ZNF292: variants seen among roughly 807,000 people sequenced by gnomAD.
The protein encoded by ZNF292 is zinc finger protein 292.
In ZNF292, 26 loss-of-function variants were observed where a neutral mutation model predicts 217.9. The ratio of observed to expected loss-of-function variants is 0.12; its 90% CI spans 0.09 to 0.17. The LOEUF is 0.17. Ranked by LOEUF, ZNF292 falls within the 10% of genes least tolerant of loss-of-function variation. The pLI is 1.00. For synonymous variants in ZNF292, 1,257 were observed against 1,124.1 expected (o/e 1.12, Z -2.37); for missense variants, 2,904 against 3,175.2 (o/e 0.91, Z 2.05).
intron 5 of ZNF292, among the ~76,000 whole-genome samples, chr6:87,235,636 C>T (rs1364656856): frequency 3.3e-5 from 5 of 151,974 alleles, no homozygotes; most frequent in Admixed American, 3.3e-4. Flanking sequence ...GCCTAAGTTC[C>T]TTCTTGGTTT....
In ZNF292 at chr6:87,157,584, G is replaced by A. The variant is rs1037168445; in HGVS notation, c.168+1825G>A. Among the ~76,000 whole-genome samples, 10 of 152,168 alleles carry A rather than the reference G, an allele frequency of 6.6e-5. 1 individual carries two copies. The highest frequency in any genetic ancestry group is 2.4e-4 in the African/African-American group (10 of 41,434). ...CTTTTTTTGTCAGCAGTATTTGTAA[G>A]CAGGATTAATAATTCTGGGAAAATA... is the stretch of plus-strand genomic sequence containing the variant. On this transcript the variant is annotated intron_variant, in intron 1 of 7. Transcript: ENST00000369577.
At chr6:87,178,917 T>C (rs1183146409) in intron 1 of ZNF292, among the ~76,000 whole-genome samples, 1 of 152,156 alleles carries the variant, frequency 6.6e-6, no homozygotes, top group African/African-American at 2.4e-5. Context: ...TTGTGGAGGC[T>C]TAGTAATACC....
intron 1 of ZNF292, among the ~76,000 whole-genome samples, chr6:87,196,067 G>A (rs1308897774): frequency 1.3e-5 from 2 of 151,728 alleles, no homozygotes; most frequent in Non-Finnish European, 2.9e-5. Flanking sequence ...TTGAGAATTA[G>A]GATGTTTCTA....
chr6:87,224,523 T>C (rs1473939193), intron 4 of ZNF292, among the ~76,000 whole-genome samples: 1 of 152,114 alleles, frequency 6.6e-6, no homozygotes, highest in East Asian at 1.9e-4. Context: ...TACTTATCTA[T>C]CTGCCATCTC....
intron 6 of ZNF292, among the ~76,000 whole-genome samples, chr6:87,245,075 T>C (rs751241679): frequency 2.0e-5 from 3 of 152,110 alleles, no homozygotes; most frequent in Non-Finnish European, 4.4e-5. Flanking sequence ...ACCCCATCTC[T>C]ACTAAAAATA....
chr6:87,183,152 A>G lies in ZNF292; in HGVS notation c.168+27393A>G, dbSNP rs139705872. 7.5e-3 allele frequency among the ~76,000 whole-genome samples: 1,142 copies of G among 152,320 alleles called. 22 individuals are homozygous for G. Among genetic ancestry groups the G allele is most frequent in the African/African-American group, 0.025 (1,034 of 41,584 alleles). Reference sequence around the variant, plus strand: ...TACAAATAGTCATTTCTCCCCTGCAATTGAAAGAATGATGCTTCATTCAAG... The same window carrying G: ...TACAAATAGTCATTTCTCCCCTGCAGTTGAAAGAATGATGCTTCATTCAAG... On this transcript the variant is annotated intron_variant, in intron 1 of 7. Transcript: ENST00000369577.
chr6:87,238,552 A>G (rs781431757), intron 5 of ZNF292, among the ~76,000 whole-genome samples: 7 of 150,890 alleles, frequency 4.6e-5, no homozygotes, highest in Admixed American at 3.3e-4. Flanking sequence ...TGCCTTATAC[A>G]TAATAGATAA....
At chr6:87,157,518 A>G (rs944114739) in intron 1 of ZNF292, among the ~76,000 whole-genome samples, 1 of 152,194 alleles carries the variant, frequency 6.6e-6, no homozygotes, top group Non-Finnish European at 1.5e-5. Context: ...TTTTCCCCTA[A>G]TAGTGTCCAC....
At chr6:87,156,723 C>T (rs1770552696) in intron 1 of ZNF292, among the ~76,000 whole-genome samples, 1 of 152,216 alleles carries the variant, frequency 6.6e-6, no homozygotes, top group Admixed American at 6.5e-5. Context: ...CCAGTGACTG[C>T]ATTCTAACCA....
intron 3 of ZNF292, among the ~76,000 whole-genome samples, chr6:87,218,064 G>A (rs1382292689): frequency 6.6e-6 from 1 of 151,996 alleles, no homozygotes; most frequent in Admixed American, 6.6e-5. Context: ...ATGAACACTT[G>A]GAAACAACTA....
chr6:87,205,479 G>T (rs189483267), intron 1 of ZNF292, among the ~76,000 whole-genome samples: 27 of 151,722 alleles, frequency 1.8e-4, no homozygotes, highest in Non-Finnish European at 4.4e-5. Context: ...ATTTCTTTGT[G>T]AGACCATTTT....
At chr6:87,197,268 T>C (rs960726926) in intron 1 of ZNF292, among the ~76,000 whole-genome samples, 7 of 152,174 alleles carry the variant, frequency 4.6e-5, no homozygotes, top group African/African-American at 1.7e-4. Context: ...TAAAATAGCA[T>C]ATCTGTTTGC....
intron 1 of ZNF292, among the ~76,000 whole-genome samples, chr6:87,186,647 G>A (rs965247350): frequency 6.6e-6 from 1 of 152,220 alleles, no homozygotes; most frequent in Non-Finnish European, 1.5e-5. Context: ...GGAAGACTGA[G>A]GTGAGAGGAT....
chr6:87,166,819 G>C (rs1244292226), intron 1 of ZNF292, among the ~76,000 whole-genome samples: 1 of 152,134 alleles, frequency 6.6e-6, no homozygotes, highest in Non-Finnish European at 1.5e-5. Context: ...TATGTCCTCA[G>C]ATTTTGGATT....
intron 5 of ZNF292, among the ~76,000 whole-genome samples, chr6:87,234,343 G>C (rs1241526812): frequency 6.6e-6 from 1 of 152,114 alleles, no homozygotes; most frequent in Admixed American, 6.5e-5. Context: ...CGGATCACGA[G>C]GTCAGGAGTT....
chr6:87,226,331 A>AT (rs1334292760), intron 4 of ZNF292, among the ~76,000 whole-genome samples: 2 of 152,190 alleles, frequency 1.3e-5, no homozygotes, highest in East Asian at 3.9e-4. Context: ...TAAACTTTGC[A>AT]TTTTAAAGTG....
At position 87,261,219 on chromosome 6, in the gene ZNF292, G is replaced by T. The variant is rs1283358228; in HGVS notation, c.7590G>T (p.Leu2530Phe). 6.2e-7 allele frequency: 1 copy of T among 1,610,594 alleles called. No homozygotes were observed. Among genetic ancestry groups the T allele is most frequent in the Admixed American group, 1.7e-5 (1 of 59,130 alleles). ...CAGAAAGACAAAAAGCAAGTAATTTGAAGAGAGTTAATAAGGAAAAAAATG... is the reference window on the plus strand; with the variant it reads ...CAGAAAGACAAAAAGCAAGTAATTTTAAGAGAGTTAATAAGGAAAAAAATG... The part of the protein sequence containing the change: ...CQSERQKASN[L>F]KRVNKEKNVS... The change falls in exon 8 of 8, where the codon TTG becomes TTT. Residue 2530 changes from leucine (L) to phenylalanine (F), a missense_variant. Leu to Phe is a conservative substitution (Grantham distance 22). This residue lies in a region of ZNF292 where 380 missense variants were observed against 355.3 expected (regional missense o/e 1.07). Coordinates refer to ENST00000369577, the MANE Select transcript of ZNF292 (RefSeq NM_015021.3).
At chr6:87,197,718 G>C (rs1262287504) in intron 1 of ZNF292, among the ~76,000 whole-genome samples, 1 of 69,012 alleles carries the variant, frequency 1.4e-5, no homozygotes, top group East Asian at 4.7e-4. Flanking sequence ...GAGACTCGCT[G>C]TTTCAAAAAA....
At chr6:87,241,023 G>A (rs1047880148) in intron 5 of ZNF292, among the ~76,000 whole-genome samples, 3 of 152,170 alleles carry the variant, frequency 2.0e-5, no homozygotes, top group Middle Eastern at 3.2e-3. Context: ...CGTGGCTCAT[G>A]CCTGTAATCC....
Sources: allele counts gnomAD v4.1 joint callset (sites outside exome capture counted in the v4.1 genomes callset), GRCh38; gene constraint gnomAD v4.1.1; regional missense constraint gnomAD v4.1.1; transcripts MANE v1.5; gene names NCBI Gene and HGNC (gene_info 2026-07-23, HGNC 2026-07-21).